The following TMEFF2 variants were observed in gnomAD, a reference collection of about 807,000 sequenced individuals.
The protein encoded by TMEFF2 is tomoregulin-2.
A neutral mutation model predicts 53.8 loss-of-function variants in TMEFF2; 28 were observed. The ratio of observed to expected loss-of-function variants is 0.52; its 90% CI spans 0.39 to 0.71. TMEFF2 has a LOEUF of 0.71. Among genes scored for constraint, TMEFF2 ranks in the 30% least tolerant of loss-of-function variants. The pLI is 0.00. For synonymous variants in TMEFF2, 162 were observed against 166.3 expected (o/e 0.97, Z 0.20); for missense variants, 353 against 455.2 (o/e 0.78, Z 2.04).
chr2:192,185,501 T>G (rs1691290691), intron 2 of TMEFF2, among the ~76,000 whole-genome samples: 2 of 152,130 alleles, frequency 1.3e-5, no homozygotes, highest in African/African-American at 2.4e-5. Flanking sequence ...GTTTTACTTT[T>G]GATTAATATA....
At chr2:192,001,686 C>G (rs1027834975) in intron 5 of TMEFF2, among the ~76,000 whole-genome samples, 30 of 152,110 alleles carry the variant, frequency 2.0e-4, no homozygotes, top group Admixed American at 6.5e-4. Context: ...GAATAAGTCT[C>G]ATGAGATCTG....
intron 4 of TMEFF2, among the ~76,000 whole-genome samples, chr2:192,112,041 G>A (rs1689291701): frequency 6.6e-6 from 1 of 152,226 alleles, no homozygotes; most frequent in Non-Finnish European, 1.5e-5. Context: ...GAGACCTCAT[G>A]AGAACCTCTG....
chr2:192,089,537 A>T (rs572641429), intron 4 of TMEFF2, among the ~76,000 whole-genome samples: 7 of 152,194 alleles, frequency 4.6e-5, no homozygotes, highest in African/African-American at 1.7e-4. Context: ...GACAGTCTTC[A>T]TGTATTTCTC....
chr2:192,065,461 G>T (rs1041832725), intron 4 of TMEFF2, among the ~76,000 whole-genome samples: 3 of 151,552 alleles, frequency 2.0e-5, no homozygotes, highest in African/African-American at 7.3e-5. Context: ...CAAAAATACT[G>T]GTTCTACACT....
intron 3 of TMEFF2, among the ~76,000 whole-genome samples, chr2:192,181,133 T>C (rs2106035890): frequency 6.6e-6 from 1 of 151,922 alleles, no homozygotes; most frequent in Non-Finnish European, 1.5e-5. Flanking sequence ...CATGTTGATA[T>C]TAGAATATTC....
In TMEFF2 at chr2:192,077,648, G is replaced by A. The variant is rs114863473; in HGVS notation, c.440-19873C>T. 3.3e-3 allele frequency among the ~76,000 whole-genome samples: 500 copies of A among 152,134 alleles called. 3 individuals carry two copies. The highest frequency in any genetic ancestry group is 0.011 in the African/African-American group (473 of 41,540). ...ATCAAGCAATAATGAGGCCAGGAAT[G>A]AGGAATGTCAATTATATAATAATGT... On this transcript the variant is annotated intron_variant, in intron 4 of 9. Coordinates refer to ENST00000272771, the MANE Select transcript of TMEFF2 (RefSeq NM_016192.4).
chr2:191,954,203 G>GTTGA (rs1473984999), intron 8 of TMEFF2, among the ~76,000 whole-genome samples: 3 of 152,076 alleles, frequency 2.0e-5, no homozygotes, highest in Non-Finnish European at 2.9e-5. Context: ...CATTTTTATA[G>GTTGA]TTGATTGATG....
At chr2:191,967,901 T>C (rs372228925) in intron 7 of TMEFF2, among the ~76,000 whole-genome samples, 2 of 152,182 alleles carry the variant, frequency 1.3e-5, no homozygotes, top group East Asian at 1.9e-4. Context: ...AAGCCTTCCT[T>C]ACCCTTCGTA....
chr2:191,950,232 T>TTGCTC lies in TMEFF2; in HGVS notation c.*78_*79insGAGCA. On this transcript the variant is annotated 3_prime_UTR_variant, in exon 10 of 10. Coordinates refer to ENST00000272771, the MANE Select transcript of TMEFF2 (RefSeq NM_016192.4). ...TGCAAGGCAACATGTGTAGATCTCTTGTCTTATTCTTTTGTCTATAATACT... is the reference window on the plus strand; with the variant it reads ...TGCAAGGCAACATGTGTAGATCTCTTTGCTCGTCTTATTCTTTTGTCTATAATACT... The TTGCTC allele has an allele frequency of 7.0e-7, 1 of 1,435,962 alleles. No homozygotes were observed. The highest frequency in any genetic ancestry group is 9.2e-7 in the Non-Finnish European group (1 of 1,089,336). 89.0% of individuals were successfully genotyped at this position (1,435,962 alleles called of 1,614,324 possible).
At chr2:192,076,919 A>G (rs1688444780) in intron 4 of TMEFF2, among the ~76,000 whole-genome samples, 1 of 152,176 alleles carries the variant, frequency 6.6e-6, no homozygotes, top group Non-Finnish European at 1.5e-5. Flanking sequence ...TCTTCTGACT[A>G]CATACCACCT....
At chr2:191,960,996 A>G (rs1692254430) in intron 7 of TMEFF2, among the ~76,000 whole-genome samples, 1 of 152,210 alleles carries the variant, frequency 6.6e-6, no homozygotes, top group Non-Finnish European at 1.5e-5. Flanking sequence ...ACTTATGATT[A>G]ATCATGAATA....
chr2:192,006,591 C>A (rs766137560), intron 5 of TMEFF2, among the ~76,000 whole-genome samples: 14 of 152,170 alleles, frequency 9.2e-5, no homozygotes, highest in Non-Finnish European at 1.8e-4. Flanking sequence ...GCTTTAGAAT[C>A]CTCACCTGTG....
At chr2:192,040,362 T>G (rs1419794390) in intron 5 of TMEFF2, among the ~76,000 whole-genome samples, 1 of 152,174 alleles carries the variant, frequency 6.6e-6, no homozygotes, top group Non-Finnish European at 1.5e-5. Context: ...TTCTCTCTTA[T>G]TTAAGTATCT....
intron 7 of TMEFF2, among the ~76,000 whole-genome samples, chr2:191,983,700 G>A (rs1685909894): frequency 6.6e-6 from 1 of 152,094 alleles, no homozygotes; most frequent in South Asian, 2.1e-4. Context: ...AGCAAACTGT[G>A]GCTCTGGGAT....
At chr2:192,087,160 G>C (rs1388521662) in intron 4 of TMEFF2, among the ~76,000 whole-genome samples, 1 of 151,782 alleles carries the variant, frequency 6.6e-6, no homozygotes, top group African/African-American at 2.4e-5. Context: ...AATCTATGAG[G>C]AGGGTTTTGT....
chr2:192,080,722 ATAGAG>A (rs1405228184), intron 4 of TMEFF2, among the ~76,000 whole-genome samples: 2 of 152,186 alleles, frequency 1.3e-5, no homozygotes, highest in Admixed American at 6.5e-5. Flanking sequence ...CTTGAACTAT[ATAGAG>A]TAATCTCTTT....
chr2:192,104,824 T>C (rs1432760707), intron 4 of TMEFF2, among the ~76,000 whole-genome samples: 1 of 152,104 alleles, frequency 6.6e-6, no homozygotes, highest in Non-Finnish European at 1.5e-5. Flanking sequence ...AAATTCTTAC[T>C]CTAAATGAGG....
At chr2:192,101,888 C>A (rs10931522) in intron 4 of TMEFF2, among the ~76,000 whole-genome samples, 151,769 of 152,322 alleles carry the variant, frequency 1, 75,610 homozygotes, top group Middle Eastern at 1. Flanking sequence ...ACTCCGGTGA[C>A]GATACATGCT....
At chr2:192,069,718 C>T (rs1009444314) in intron 4 of TMEFF2, among the ~76,000 whole-genome samples, 2 of 151,650 alleles carry the variant, frequency 1.3e-5, no homozygotes, top group Non-Finnish European at 2.9e-5. Context: ...GAAAATTTTA[C>T]TGCCATTAGA....
Sources: gnomAD v4.1 joint callset for allele counts (sites outside exome capture counted in the v4.1 genomes callset) on GRCh38, gnomAD v4.1.1 for gene constraint, MANE v1.5 for transcripts, NCBI Gene and HGNC (gene_info 2026-07-23, HGNC 2026-07-21) for gene names.